Variants in ROBO1 observed in about 807,000 individuals in gnomAD.
ROBO1 encodes the protein roundabout homolog 1.
ROBO1 carries 149 observed loss-of-function variants against 195.9 expected under a neutral mutation model. The observed-to-expected ratio is 0.76, with a 90% CI of 0.67 to 0.87. ROBO1 has a LOEUF of 0.87. Ranked by LOEUF, ROBO1 falls within the 40% of genes least tolerant of loss-of-function variation. The pLI, the probability that ROBO1 is intolerant of heterozygous loss-of-function variation, is 0.00. For missense variants in ROBO1, 1,933 were observed against 2,068.3 expected (o/e 0.93, Z 1.27); for synonymous variants, 816 against 733.2 (o/e 1.11, Z -1.82).
At chr3:79,756,941 CATA>C (rs1704438574) in intron 1 of ROBO1, among the ~76,000 whole-genome samples, 3 of 152,098 alleles carry the variant, frequency 2.0e-5, no homozygotes, top group Admixed American at 2.0e-4. Flanking sequence ...TTTTATTTAT[CATA>C]ATGTTTTCAA....
intron 2 of ROBO1, among the ~76,000 whole-genome samples, chr3:79,456,531 A>T: frequency 6.6e-6 from 1 of 152,146 alleles, no homozygotes; most frequent in African/African-American, 2.4e-5. Flanking sequence ...CAATAGTTTT[A>T]TTCTGTTATC....
Position 78,904,162 on chromosome 3 carries a change from T to C in ROBO1, c.499+34439A>G, listed in dbSNP as rs1193879331. ...CATATATATACAATATATATACACA[T>C]ATATTCAGTTTTTCAACAATTCATT... is the stretch of plus-strand genomic sequence containing the variant. On this transcript the variant is annotated intron_variant, in intron 4 of 30. Transcript: ENST00000464233. Among the ~76,000 whole-genome samples, 5 of 151,730 alleles carry C rather than the reference T, an allele frequency of 3.3e-5. No homozygotes were observed. The Admixed American group carries it at 3.3e-4, about 10-fold the overall frequency.
rs551221350 is a variant in ROBO1 at position 78,718,435 on chromosome 3, T to C, written c.658-552A>G. On this transcript the variant is annotated intron_variant, in intron 5 of 30. Coordinates refer to ENST00000464233, the MANE Select transcript of ROBO1 (RefSeq NM_002941.4). ...ACCTGTTATTTCCTTAAAAACGTGA[T>C]GTTGCTGCCACCCAAGCTGGTTTTT... Among the ~76,000 whole-genome samples, 268 of 152,256 alleles carry C rather than the reference T, an allele frequency of 1.8e-3. 2 individuals carry two copies. The highest frequency in any genetic ancestry group is 6.2e-3 in the African/African-American group (258 of 41,554).
intron 1 of ROBO1, among the ~76,000 whole-genome samples, chr3:79,677,521 T>C (rs1946820451): frequency 6.6e-6 from 1 of 152,044 alleles, no homozygotes; most frequent in Non-Finnish European, 1.5e-5. Flanking sequence ...ACTTATTCAC[T>C]ATCATGAGAA....
intron 3 of ROBO1, among the ~76,000 whole-genome samples, chr3:78,966,644 A>T (rs1469373261): frequency 2.0e-5 from 3 of 152,228 alleles, no homozygotes; most frequent in Admixed American, 2.0e-4. Flanking sequence ...TAACTATTGA[A>T]TTCTAATATT....
intron 16 of ROBO1, 85 bp from the exon 17 acceptor site, chr3:78,659,892 A>G: frequency 2.1e-6 from 2 of 969,730 alleles, no homozygotes; most frequent in South Asian, 3.6e-5. Context: ...CCAATAATAG[A>G]TGTATTAATA....
intron 2 of ROBO1, among the ~76,000 whole-genome samples, chr3:79,534,695 C>T (rs1012664942): frequency 1.6e-4 from 24 of 152,104 alleles, no homozygotes; most frequent in African/African-American, 5.3e-4. Context: ...CAGTCCTCAG[C>T]CTCCGGGGCT....
chr3:79,637,804 AT>A (rs1945539758), intron 1 of ROBO1, among the ~76,000 whole-genome samples: 1 of 152,156 alleles, frequency 6.6e-6, no homozygotes, highest in Admixed American at 6.5e-5. Flanking sequence ...TATACTAGTA[AT>A]TCTACATAAG....
intron 5 of ROBO1, among the ~76,000 whole-genome samples, chr3:78,741,696 A>T (rs1487453794): frequency 1.3e-5 from 2 of 152,160 alleles, no homozygotes; most frequent in African/African-American, 2.4e-5. Context: ...CCTCCGATTC[A>T]TCTGTATAAG....
In ROBO1 at chr3:79,038,304, AGACAGTAGAACCT is replaced by A. The variant is rs376432684; in HGVS notation, c.172+87139_172+87151del. Among the ~76,000 whole-genome samples, 290 of 152,328 alleles carry A rather than the reference AGACAGTAGAACCT, an allele frequency of 1.9e-3. 1 individual carries two copies. The highest frequency in any genetic ancestry group is 6.6e-3 in the African/African-American group (275 of 41,576). On this transcript the variant is annotated intron_variant, in intron 3 of 30. Coordinates refer to ENST00000464233, the MANE Select transcript of ROBO1 (RefSeq NM_002941.4). ...CCTTTGAACTTATGAGTGGCTTCTT[AGACAGTAGAACCT>A]CGTGGTGGTGGTGACCTCCCTACAG... is the stretch of plus-strand genomic sequence containing the variant.
chr3:79,639,583 T>C (rs567416139), intron 1 of ROBO1, among the ~76,000 whole-genome samples: 1 of 152,294 alleles, frequency 6.6e-6, no homozygotes, highest in South Asian at 2.1e-4. Flanking sequence ...ATGCTAATAG[T>C]TAAGAATGCT....
chr3:79,142,206 T>G (rs1421545780), intron 2 of ROBO1, among the ~76,000 whole-genome samples: 3 of 152,194 alleles, frequency 2.0e-5, no homozygotes, highest in Non-Finnish European at 2.9e-5. Context: ...CCCAAATATC[T>G]TAAAAGATAT....
At chr3:78,626,593 A>G (rs1704795470) in intron 26 of ROBO1, among the ~76,000 whole-genome samples, 1 of 152,176 alleles carries the variant, frequency 6.6e-6, no homozygotes, top group Non-Finnish European at 1.5e-5. Flanking sequence ...AAAAAACAGT[A>G]TAAATAAAAT....
intron 2 of ROBO1, among the ~76,000 whole-genome samples, chr3:79,298,325 C>T (rs78220865): frequency 0.019 from 2,871 of 151,328 alleles, 88 homozygotes; most frequent in African/African-American, 0.065. Context: ...TCATTGTACA[C>T]TCTTTACTGC....
chr3:78,919,224 T>C (rs1033545657), intron 4 of ROBO1, among the ~76,000 whole-genome samples: 10 of 152,160 alleles, frequency 6.6e-5, no homozygotes, highest in Non-Finnish European at 8.8e-5. Flanking sequence ...CACTGGATCC[T>C]CTGAACAGGG....
intron 1 of ROBO1, among the ~76,000 whole-genome samples, chr3:79,649,037 C>A (rs573082388): frequency 5.9e-5 from 9 of 152,140 alleles, no homozygotes; most frequent in Middle Eastern, 3.4e-3. Flanking sequence ...ATTTGGTTAT[C>A]AACTCTATTT....
intron 3 of ROBO1, among the ~76,000 whole-genome samples, chr3:78,964,434 T>G (rs534749187): frequency 6.6e-6 from 1 of 152,258 alleles, no homozygotes; most frequent in Admixed American, 6.5e-5. Flanking sequence ...AAGGGTTCAG[T>G]TAAAGACTAG....
chr3:79,258,250 T>C (rs902652120), intron 2 of ROBO1, among the ~76,000 whole-genome samples: 5 of 152,202 alleles, frequency 3.3e-5, no homozygotes, highest in Non-Finnish European at 7.4e-5. Context: ...AACCACACAA[T>C]GTTTTACTTC....
At chr3:79,324,680 C>T (rs1251288890) in intron 2 of ROBO1, among the ~76,000 whole-genome samples, 2 of 152,086 alleles carry the variant, frequency 1.3e-5, no homozygotes, top group Non-Finnish European at 2.9e-5. Flanking sequence ...ATAGCCAGTG[C>T]ACAGTGAACT....
Sources: allele counts gnomAD v4.1 joint callset (sites outside exome capture counted in the v4.1 genomes callset), GRCh38; gene constraint gnomAD v4.1.1; transcripts MANE v1.5; gene names NCBI Gene and HGNC (gene_info 2026-07-23, HGNC 2026-07-21).